BCAS3: variants seen among roughly 807,000 people sequenced by gnomAD.
BCAS3 encodes BCAS4/BCAS3 fusion.
A neutral mutation model predicts 116.1 loss-of-function variants in BCAS3; 53 were observed. That is an observed-to-expected ratio of 0.46 (90% CI 0.37 to 0.57). The LOEUF is 0.57. Among genes scored for constraint, BCAS3 ranks in the 20% least tolerant of loss-of-function variants. The pLI is 0.00. For missense variants in BCAS3, 917 were observed against 1,165.4 expected (o/e 0.79, Z 3.10); for synonymous variants, 391 against 408.2 (o/e 0.96, Z 0.51).
intron 15 of BCAS3, among the ~76,000 whole-genome samples, chr17:60,992,028 G>T (rs532342753): frequency 1.3e-5 from 2 of 152,112 alleles, no homozygotes; most frequent in East Asian, 3.9e-4. Flanking sequence ...GTACATTTGG[G>T]TTGTTTCTAC....
rs908726686 is a variant in BCAS3, at chr17:61,204,782, T to C, written c.2425+120218T>C. ...AAATTAAAGAATTGGCCTGGCATGG[T>C]GGCTCATGTCTGTAATCCAAGCACT... On this transcript the variant is annotated intron_variant, in intron 22 of 23. Coordinates refer to ENST00000407086, the MANE Select transcript of BCAS3 (RefSeq NM_017679.5). This position sits in a 1 kb window ranked among gnomAD's most constrained non-coding sequence, Gnocchi z 4.2. 2.0e-4 allele frequency among the ~76,000 whole-genome samples: 31 copies of C among 152,302 alleles called. No homozygotes were observed. Among genetic ancestry groups the C allele is most frequent in the African/African-American group, 7.5e-4 (31 of 41,568 alleles).
Position 61,008,959 on chromosome 17 carries a change from G to C in BCAS3, c.1487-6792G>C, listed in dbSNP as rs936334269. 2.6e-5 allele frequency among the ~76,000 whole-genome samples: 4 copies of C among 152,016 alleles called. No individual in the cohort carries two copies. Among genetic ancestry groups the C allele is most frequent in the Non-Finnish European group, 4.4e-5 (3 of 67,958 alleles). On this transcript the variant is annotated intron_variant, in intron 15 of 23. Coordinates refer to ENST00000407086, the MANE Select transcript of BCAS3 (RefSeq NM_017679.5). This position sits in a 1 kb window ranked among gnomAD's most constrained non-coding sequence, Gnocchi z 4.6. Reference sequence around the variant, plus strand: ...TTCAAAATGCAAGAGTTCCAAATAGGAGACCAAAGACACTAGGTGAGGAGC... The same window carrying C: ...TTCAAAATGCAAGAGTTCCAAATAGCAGACCAAAGACACTAGGTGAGGAGC...
At chr17:61,314,446 C>G (rs2054573116) in intron 22 of BCAS3, among the ~76,000 whole-genome samples, 3 of 152,228 alleles carry the variant, frequency 2.0e-5, no homozygotes, top group Admixed American at 2.0e-4. Flanking sequence ...CATTCCCTCT[C>G]TAAGAACATG....
intron 4 of BCAS3, among the ~76,000 whole-genome samples, chr17:60,702,004 C>T (rs889148721): frequency 1.1e-4 from 16 of 151,136 alleles, no homozygotes; most frequent in African/African-American, 3.9e-4. Context: ...AAAAGTATGT[C>T]TCTCTCTCTC....
chr17:60,963,672 C>T (rs2061520174), intron 14 of BCAS3, among the ~76,000 whole-genome samples: 1 of 151,778 alleles, frequency 6.6e-6, no homozygotes, highest in Non-Finnish European at 1.5e-5. Context: ...TCTCCTGCCT[C>T]AGCCTCCCGA....
At chr17:60,705,939 G>C (rs1350668980) in intron 4 of BCAS3, among the ~76,000 whole-genome samples, 1 of 152,170 alleles carries the variant, frequency 6.6e-6, no homozygotes, top group African/African-American at 2.4e-5. Context: ...TACTGAGTGT[G>C]CCTGCCTCTA....
At chr17:61,194,163 G>A (rs111256996) in intron 22 of BCAS3, among the ~76,000 whole-genome samples, 3,240 of 152,026 alleles carry the variant, frequency 0.021, 125 homozygotes, top group African/African-American at 0.074. Context: ...GGAGAGGAGG[G>A]GAATCTGCAG....
intron 9 of BCAS3, among the ~76,000 whole-genome samples, chr17:60,876,181 A>G (rs137964846): frequency 5.9e-5 from 9 of 152,132 alleles, no homozygotes; most frequent in Admixed American, 4.6e-4. Context: ...TTTACTACCA[A>G]TGAAACTCCC....
At chr17:60,798,169 A>G (rs1195448747) in intron 6 of BCAS3, among the ~76,000 whole-genome samples, 3 of 152,240 alleles carry the variant, frequency 2.0e-5, no homozygotes, top group South Asian at 2.1e-4. Flanking sequence ...CTGACACATT[A>G]TTATTCCCCA....
chr17:61,221,758 C>T (rs2082124031), intron 22 of BCAS3, among the ~76,000 whole-genome samples: 1 of 152,136 alleles, frequency 6.6e-6, no homozygotes, highest in African/African-American at 2.4e-5. Flanking sequence ...CAGAAGGCTA[C>T]ATACCATGAA....
In BCAS3 at chr17:61,123,000, G is replaced by A. The variant is rs907050149; in HGVS notation, c.2425+38436G>A. On this transcript the variant is annotated intron_variant, in intron 22 of 23. Transcript: ENST00000407086. This position sits in a 1 kb window ranked among gnomAD's most constrained non-coding sequence, Gnocchi z 4.6. ...TTTGTTGCCCAGGCTGGAGTGCAATGGTGCGATCTTGGCTCACTGCAACCT... is the reference window on the plus strand; with the variant it reads ...TTTGTTGCCCAGGCTGGAGTGCAATAGTGCGATCTTGGCTCACTGCAACCT... 5.3e-5 allele frequency among the ~76,000 whole-genome samples: 8 copies of A among 149,770 alleles called. No homozygotes were observed. The highest frequency in any genetic ancestry group is 2.0e-4 in the African/African-American group (8 of 40,492).
chr17:61,163,920 C>G (rs1398665933), intron 22 of BCAS3, among the ~76,000 whole-genome samples: 1 of 148,208 alleles, frequency 6.7e-6, no homozygotes. Context: ...TCCTCTGCCT[C>G]TGGGAGGCAG....
Position 61,188,936 on chromosome 17 carries a change from C to A in BCAS3, c.2425+104372C>A, listed in dbSNP as rs1481326277. Among the ~76,000 whole-genome samples, 1 of 152,036 alleles carries A rather than the reference C, an allele frequency of 6.6e-6. No homozygotes were observed. The highest frequency in any genetic ancestry group is 1.5e-5 in the Non-Finnish European group (1 of 68,002). Reference sequence around the variant, plus strand: ...TGAGCAACATAGTGAGACCTCATCTCTATAAAACATCAAAAAATCAGCCGG... The same window carrying A: ...TGAGCAACATAGTGAGACCTCATCTATATAAAACATCAAAAAATCAGCCGG... On this transcript the variant is annotated intron_variant, in intron 22 of 23. Transcript: ENST00000407086. This position sits in a 1 kb window ranked among gnomAD's most constrained non-coding sequence, Gnocchi z 4.0.
chr17:60,723,826 C>T lies in BCAS3; in HGVS notation c.321+14501C>T, dbSNP rs1263205902. Among the ~76,000 whole-genome samples, 12 of 137,682 alleles carry T rather than the reference C, an allele frequency of 8.7e-5. No homozygotes were observed. The East Asian group carries it at 2.4e-3, about 27-fold the overall frequency. 90.3% of individuals were successfully genotyped at this position (137,682 alleles called of 152,430 possible). A position where few individuals can be genotyped will look rare whatever the true frequency, so the allele number is the denominator to read the frequency against. On this transcript the variant is annotated intron_variant, in intron 5 of 23. Coordinates refer to ENST00000407086, the MANE Select transcript of BCAS3 (RefSeq NM_017679.5). ...CTCTGCCTCCCAGGTTCAAGTGATT[C>T]TCCTGCCTCAGCCTTCTGAGTAGCT... is the stretch of plus-strand genomic sequence containing the variant.
chr17:60,998,778 TTGTC>T (rs2064017157), intron 15 of BCAS3, among the ~76,000 whole-genome samples: 1 of 152,184 alleles, frequency 6.6e-6, no homozygotes, highest in Non-Finnish European at 1.5e-5. Context: ...ATTCTGTAGA[TTGTC>T]TGTTTACTCT....
intron 20 of BCAS3, among the ~76,000 whole-genome samples, chr17:61,075,488 T>C (rs1357463362): frequency 6.6e-6 from 1 of 152,074 alleles, no homozygotes; most frequent in Non-Finnish European, 1.5e-5. Flanking sequence ...CTAATTTTTG[T>C]ATTTTTAGTA....
At position 61,222,661 on chromosome 17, in the gene BCAS3, G is replaced by T. The variant is rs1024196139; in HGVS notation, c.2425+138097G>T. Among the ~76,000 whole-genome samples, 1 of 152,130 alleles carries T rather than the reference G, an allele frequency of 6.6e-6. No homozygotes were observed. The highest frequency in any genetic ancestry group is 6.5e-5 in the Admixed American group (1 of 15,272). On this transcript the variant is annotated intron_variant, in intron 22 of 23. Transcript: ENST00000407086. The surrounding 1 kb of genome is among the most constrained non-coding windows in gnomAD (Gnocchi z 6.1). ...TTGTTGATTGGGTGATTTATGTCAC[G>T]TGGTATATGGGTTTTTTTTGTTTGT... is the stretch of plus-strand genomic sequence containing the variant.
chr17:60,970,994 T>C (rs1412911892), intron 14 of BCAS3, among the ~76,000 whole-genome samples: 1 of 152,216 alleles, frequency 6.6e-6, no homozygotes, highest in African/African-American at 2.4e-5. Context: ...GATACTTAAG[T>C]CAGAGGCAAA....
In BCAS3 at chr17:61,028,723, A is replaced by G. The variant is rs772348270; in HGVS notation, c.1638-5943A>G. Among the ~76,000 whole-genome samples the G allele has an allele frequency of 6.6e-6, 1 of 151,970 alleles. No homozygotes were observed. Among genetic ancestry groups the G allele is most frequent in the African/African-American group, 2.4e-5 (1 of 41,452 alleles). On this transcript the variant is annotated intron_variant, in intron 16 of 23. Transcript: ENST00000407086. This position sits in a 1 kb window ranked among gnomAD's most constrained non-coding sequence, Gnocchi z 4.3. Reference sequence around the variant, plus strand: ...GTTGAAACAAGATTAAAAGAGCCAGATTAAAGAAAGGGATATATTAAATAT... The same window carrying G: ...GTTGAAACAAGATTAAAAGAGCCAGGTTAAAGAAAGGGATATATTAAATAT...
Sources: allele counts gnomAD v4.1 joint callset (sites outside exome capture counted in the v4.1 genomes callset), GRCh38; gene constraint gnomAD v4.1.1; non-coding constraint Gnocchi (gnomAD v3.1); transcripts MANE v1.5; gene names NCBI Gene and HGNC (gene_info 2026-07-23, HGNC 2026-07-21).